The following RALGPS1 variants were observed in gnomAD, a reference collection of about 807,000 sequenced individuals.
RALGPS1 encodes the protein ras-specific guanine nucleotide-releasing factor RalGPS1.
Under a neutral mutation model 78.8 loss-of-function variants are expected in RALGPS1, and 19 were observed. The ratio of observed to expected loss-of-function variants is 0.24; its 90% CI spans 0.17 to 0.35. RALGPS1 has a LOEUF of 0.35. Among genes scored for constraint, RALGPS1 ranks in the 10% least tolerant of loss-of-function variants. The pLI is 1.00. For missense variants in RALGPS1, 454 were observed against 688.3 expected (o/e 0.66, Z 3.81); for synonymous variants, 228 against 256.3 (o/e 0.89, Z 1.06).
At chr9:127,075,795 A>G (rs2136014391) in intron 8 of RALGPS1, among the ~76,000 whole-genome samples, 1 of 152,330 alleles carries the variant, frequency 6.6e-6, no homozygotes, top group South Asian at 2.1e-4. Context: ...TTATTTTTGT[A>G]ACAATTCTTT....
intron 12 of RALGPS1, among the ~76,000 whole-genome samples, chr9:127,195,833 TCCTACCTA>T (rs376282526): frequency 2.6e-5 from 4 of 151,552 alleles, no homozygotes; most frequent in East Asian, 1.9e-4. Context: ...CTTCCTTCTT[TCCTACCTA>T]CCTACCTACC....
chr9:127,136,601 G>A (rs1033868999), intron 8 of RALGPS1, among the ~76,000 whole-genome samples: 1 of 152,126 alleles, frequency 6.6e-6, no homozygotes, highest in Non-Finnish European at 1.5e-5. Context: ...TGCTCCTAGG[G>A]TTGTCATCAG....
chr9:127,099,876 T>G (rs933366310), intron 8 of RALGPS1, among the ~76,000 whole-genome samples: 1 of 152,254 alleles, frequency 6.6e-6, no homozygotes, highest in Non-Finnish European at 1.5e-5. Context: ...TTCAGGCCGC[T>G]TTAGCCCTCA....
Position 127,210,602 on chromosome 9 carries a change from C to T in RALGPS1, c.1248-1529C>T, listed in dbSNP as rs2062192298. On this transcript the variant is annotated intron_variant, in intron 14 of 18. Transcript: ENST00000259351. Reference sequence around the variant, plus strand: ...AGGTTGCTCTGCGGGACTTCCTGAGCTAATTGACTATGTTGTCGGGGTGCT... The same window carrying T: ...AGGTTGCTCTGCGGGACTTCCTGAGTTAATTGACTATGTTGTCGGGGTGCT... The T allele has an allele frequency of 4.3e-6, 4 of 937,802 alleles. No homozygotes were observed. In the Admixed American group the frequency reaches 8.5e-5, roughly 20 times the overall value. 58.1% of individuals were successfully genotyped at this position (937,802 alleles called of 1,614,324 possible).
intron 5 of RALGPS1, among the ~76,000 whole-genome samples, chr9:127,049,496 A>G (rs545465507): frequency 6.6e-6 from 1 of 152,364 alleles, no homozygotes; most frequent in East Asian, 1.9e-4. Flanking sequence ...AGATACTTCC[A>G]TATCATTTAC....
chr9:126,962,237 C>A lies in RALGPS1; in HGVS notation c.-53C>A. 6.3e-7 allele frequency: 1 copy of A among 1,589,718 alleles called. No individual in the cohort carries two copies. Among genetic ancestry groups the A allele is most frequent in the South Asian group, 1.1e-5 (1 of 90,142 alleles). On this transcript the variant is annotated 5_prime_UTR_variant, in exon 2 of 19. Coordinates refer to ENST00000259351, the MANE Select transcript of RALGPS1 (RefSeq NM_014636.3). Reference sequence around the variant, plus strand: ...CTTTGCCTTGCAGGACTTCTCCAGACAGGTTATGTTACCTGCAGAGGCTGC... The same window carrying A: ...CTTTGCCTTGCAGGACTTCTCCAGAAAGGTTATGTTACCTGCAGAGGCTGC...
chr9:127,171,652 G>A (rs1198088768), intron 10 of RALGPS1, among the ~76,000 whole-genome samples: 3 of 152,180 alleles, frequency 2.0e-5, no homozygotes, highest in Non-Finnish European at 2.9e-5. Flanking sequence ...CTACCTACTC[G>A]GGAGGCTGAG....
Position 127,183,792 on chromosome 9 carries a change from T to TC in RALGPS1, c.910+9012dup. On this transcript the variant is annotated intron_variant, in intron 11 of 18. Transcript: ENST00000259351. This position sits in a 1 kb window ranked among gnomAD's most constrained non-coding sequence, Gnocchi z 4.0. ...CGGAATGGATGGGTGGGAGGGGCCC[T>TC]CCATGAGGACCTCAGGGATAGGAGG... is the stretch of plus-strand genomic sequence containing the variant. 3.0e-6 allele frequency: 4 copies of TC among 1,341,788 alleles called. No homozygotes were observed. Among genetic ancestry groups the TC allele is most frequent in the Admixed American group, 4.5e-5 (2 of 44,244 alleles). 83.1% of individuals were successfully genotyped at this position (1,341,788 alleles called of 1,614,324 possible).
intron 4 of RALGPS1, among the ~76,000 whole-genome samples, chr9:127,021,092 T>C (rs1299371119): frequency 1.3e-5 from 2 of 152,132 alleles, no homozygotes; most frequent in African/African-American, 4.8e-5. Flanking sequence ...TAATAGGTAA[T>C]TTAAATTTTC....
chr9:127,133,754 G>A (rs766890158), intron 8 of RALGPS1, among the ~76,000 whole-genome samples: 1 of 152,112 alleles, frequency 6.6e-6, no homozygotes, highest in Non-Finnish European at 1.5e-5. Flanking sequence ...GTGCAGAAAC[G>A]TTTGGTAAAC....
At chr9:127,186,653 G>A (rs548003390) in intron 11 of RALGPS1, among the ~76,000 whole-genome samples, 27 of 152,358 alleles carry the variant, frequency 1.8e-4, no homozygotes, top group African/African-American at 4.8e-4. Context: ...CTGCTTCCGC[G>A]TCAGACCCAG....
intron 4 of RALGPS1, among the ~76,000 whole-genome samples, chr9:127,002,772 G>A (rs978082844): frequency 6.6e-6 from 1 of 151,922 alleles, no homozygotes. Context: ...CAAAGGACAT[G>A]AACTCATCAT....
In RALGPS1 at chr9:127,033,946, A is replaced by G. The variant is rs137895848; in HGVS notation, c.217-485A>G. ...CAACTTCAGGACAGAATCTGAGGTC[A>G]TACCAGAAGCTTCTCTGATTGCAGT... On this transcript the variant is annotated intron_variant, in intron 4 of 18. Coordinates refer to ENST00000259351, the MANE Select transcript of RALGPS1 (RefSeq NM_014636.3). 1.5e-3 allele frequency among the ~76,000 whole-genome samples: 230 copies of G among 152,346 alleles called. 2 individuals are homozygous for G. The highest frequency in any genetic ancestry group is 2.9e-3 in the Non-Finnish European group (199 of 68,036).
At chr9:127,195,362 A>G in intron 12 of RALGPS1, 145 bp downstream of exon 12, 1 of 1,182,420 alleles carries the variant, frequency 8.5e-7, no homozygotes, top group Non-Finnish European at 1.2e-6. Flanking sequence ...AATCCTGGCC[A>G]GTGCGCTTTC....
At chr9:127,004,288 G>T (rs2043623510) in intron 4 of RALGPS1, among the ~76,000 whole-genome samples, 1 of 152,140 alleles carries the variant, frequency 6.6e-6, no homozygotes, top group Admixed American at 6.5e-5. Flanking sequence ...TGGGATTACA[G>T]GCACCCGCCA....
chr9:126,997,775 C>G (rs1273094409), intron 4 of RALGPS1, among the ~76,000 whole-genome samples: 2 of 152,200 alleles, frequency 1.3e-5, no homozygotes, highest in Admixed American at 6.5e-5. Context: ...AACTATACTA[C>G]AAGGCTACAG....
At chr9:127,177,647 A>G (rs1024389396) in intron 11 of RALGPS1, among the ~76,000 whole-genome samples, 3 of 152,194 alleles carry the variant, frequency 2.0e-5, no homozygotes, top group Non-Finnish European at 2.9e-5. Context: ...GGTAGGGAGA[A>G]GAACAGGAGG....
At chr9:127,207,496 CA>C (rs749938355) in intron 14 of RALGPS1, among the ~76,000 whole-genome samples, 1 of 152,096 alleles carries the variant, frequency 6.6e-6, no homozygotes, top group Non-Finnish European at 1.5e-5. Flanking sequence ...TGTCAGTTAC[CA>C]AAAAACAAAC....
intron 11 of RALGPS1, among the ~76,000 whole-genome samples, chr9:127,186,525 A>G (rs2060656424): frequency 6.6e-6 from 1 of 152,242 alleles, no homozygotes; most frequent in African/African-American, 2.4e-5. Flanking sequence ...TGGTGCTGTC[A>G]CGTGGTGGCC....
Sources: allele counts gnomAD v4.1 joint callset (sites outside exome capture counted in the v4.1 genomes callset), GRCh38; gene constraint gnomAD v4.1.1; non-coding constraint Gnocchi (gnomAD v3.1); transcripts MANE v1.5; gene names NCBI Gene and HGNC (gene_info 2026-07-23, HGNC 2026-07-21).